SORBS3: variants seen among roughly 807,000 people sequenced by gnomAD.
SORBS3 encodes the protein sorbin and SH3 domain containing 3, also known as vinexin.
Under a neutral mutation model 98.0 loss-of-function variants are expected in SORBS3, and 69 were observed. That is an observed-to-expected ratio of 0.70 (90% confidence interval 0.58 to 0.86). The LOEUF (loss-of-function observed/expected upper bound fraction) is 0.86. Among genes scored for constraint, SORBS3 ranks in the 40% least tolerant of loss-of-function variants. The pLI is 0.00. For synonymous variants in SORBS3, 394 were observed against 355.4 expected (o/e 1.11, Z -1.22); for missense variants, 954 against 908.5 (o/e 1.05, Z -0.64).
intron 17 of SORBS3, among the ~76,000 whole-genome samples, chr8:22,569,781 C>T (rs1256965568): frequency 1.3e-5 from 2 of 151,936 alleles, no homozygotes; most frequent in East Asian, 1.9e-4. Flanking sequence ...CTATGTTGCC[C>T]GGGCTGACCT....
chr8:22,549,708 C>T (rs1054901219), upstream of SORBS3, among the ~76,000 whole-genome samples: 1 of 152,298 alleles, frequency 6.6e-6, no homozygotes, highest in East Asian at 1.9e-4. Context: ...AGGAAGAAAG[C>T]TCAGGTCTCC....
At chr8:22,556,537 A>G in intron 3 of SORBS3, 178 bp from the exon 4 acceptor site, 2 of 623,942 alleles carry the variant, frequency 3.2e-6, no homozygotes, top group East Asian at 2.7e-5. Context: ...GATCAAATCC[A>G]TTTAAATTCA....
At chr8:22,560,862 TGTGTGTGTGTGCGC>T in intron 5 of SORBS3, 1 of 139,764 alleles carries the variant, frequency 7.2e-6, no homozygotes, top group Non-Finnish European at 1.5e-5. Flanking sequence ...TGTGTGTGTG[TGTGTGTGTGTGCGC>T]GCGCGCACGC....
intron 16 of SORBS3, among the ~76,000 whole-genome samples, chr8:22,568,417 A>G (rs989229236): frequency 2.0e-5 from 3 of 152,216 alleles, no homozygotes; most frequent in African/African-American, 7.2e-5. Context: ...CATCTCACAC[A>G]TTTTGATTTT....
chr8:22,558,965 G>A lies in SORBS3; in HGVS notation c.478+773G>A, dbSNP rs145711578. Among the ~76,000 whole-genome samples, 14 of 152,346 alleles carry A rather than the reference G, an allele frequency of 9.2e-5. No individual in the cohort carries two copies. The East Asian group carries it at 2.3e-3, about 25-fold the overall frequency. On this transcript the variant is annotated intron_variant, in intron 5 of 20. Coordinates refer to ENST00000240123, the MANE Select transcript of SORBS3 (RefSeq NM_005775.5). ...TGGCCTGGAGCGAGGAGCATGTGGTGGGAGATGGAGTCAGAGAGGTGGTGG... is the reference window on the plus strand; with the variant it reads ...TGGCCTGGAGCGAGGAGCATGTGGTAGGAGATGGAGTCAGAGAGGTGGTGG...
At chr8:22,572,469 G>A in intron 20 of SORBS3, 23 bp downstream of exon 20, 3 of 1,557,944 alleles carry the variant, frequency 1.9e-6, no homozygotes, top group Non-Finnish European at 2.7e-6. Flanking sequence ...GCCGGGAGGG[G>A]GCATCTCAGG....
chr8:22,562,655 T>C (rs1840319713), intron 7 of SORBS3, among the ~76,000 whole-genome samples: 1 of 152,226 alleles, frequency 6.6e-6, no homozygotes, highest in Non-Finnish European at 1.5e-5. Context: ...TTTAAGCCTG[T>C]GCACTGCCAC....
Position 22,574,692 on chromosome 8 carries a change from C to T in SORBS3, c.1980C>T (p.Phe660=), listed in dbSNP as rs752806921. ...GTGTCTCCCGGAGGACCCAGAAATT[C>T]GGAACGTTCCCTGGAAATTACGTTG... ...FVGVSRRTQK[F]GTFPGNYVAP... is the part of the protein sequence containing the mutation. Residue 660 remains phenylalanine, a synonymous_variant, in exon 21 of 21, where the codon TTC becomes TTT. Coordinates refer to ENST00000240123, the MANE Select transcript of SORBS3 (RefSeq NM_005775.5). 5 of 1,611,608 alleles carry T rather than the reference C, an allele frequency of 3.1e-6. No individual in the cohort carries two copies. The highest frequency in any genetic ancestry group is 4.2e-6 in the Non-Finnish European group (5 of 1,178,798).
At chr8:22,559,495 G>A (rs1840249460) in intron 5 of SORBS3, among the ~76,000 whole-genome samples, 1 of 152,168 alleles carries the variant, frequency 6.6e-6, no homozygotes, top group Non-Finnish European at 1.5e-5. Flanking sequence ...GAGCTTAGGA[G>A]TTCGAGACCA....
intron 5 of SORBS3, among the ~76,000 whole-genome samples, chr8:22,560,351 C>G (rs1382288130): frequency 1.3e-5 from 2 of 152,112 alleles, no homozygotes; most frequent in African/African-American, 4.8e-5. Context: ...ACAAGATCAC[C>G]TAGGGAGATA....
At chr8:22,550,022 G>A (rs1359310632), upstream of SORBS3, 9 of 985,298 alleles carry the variant, frequency 9.1e-6, no homozygotes, top group African/African-American at 1.7e-5. Context: ...GAAAGTGAAA[G>A]CGATGTGGTC....
chr8:22,562,565 C>T (rs778400734), intron 7 of SORBS3, among the ~76,000 whole-genome samples: 8 of 152,182 alleles, frequency 5.3e-5, no homozygotes, highest in Non-Finnish European at 1.0e-4. Context: ...ATTAGCATGG[C>T]TGAAACTGGC....
chr8:22,561,644 C>T (rs1840297564), intron 6 of SORBS3: 13 of 614,274 alleles, frequency 2.1e-5, no homozygotes, highest in Non-Finnish European at 3.8e-5. Context: ...ATGAGATCAT[C>T]ACCTACTCGG....
intron 12 of SORBS3, chr8:22,566,134 C>A: frequency 1.5e-6 from 1 of 668,504 alleles, no homozygotes; most frequent in Non-Finnish European, 2.2e-6. Context: ...CCCGCCACGG[C>A]CCAGGCACTC....
At chr8:22,560,522 A>T (rs1467979921) in intron 5 of SORBS3, among the ~76,000 whole-genome samples, 3 of 152,178 alleles carry the variant, frequency 2.0e-5, no homozygotes. Flanking sequence ...GAATTCCAAA[A>T]GAAAAATGTG....
chr8:22,545,156 C>T (rs1246157379), intron 1 of SORBS3: 2 of 152,302 alleles, frequency 1.3e-5, no homozygotes, highest in African/African-American at 4.8e-5. Context: ...CTAGGAAGGC[C>T]CAGCAGTGGA....
chr8:22,563,602 C>A (rs1040677852), intron 7 of SORBS3, among the ~76,000 whole-genome samples: 14 of 152,202 alleles, frequency 9.2e-5, no homozygotes, highest in Admixed American at 2.0e-4. Context: ...CCAGACCAAA[C>A]ACACATACAG....
At chr8:22,566,126 C>G (rs1030624943) in intron 12 of SORBS3, 3 of 628,214 alleles carry the variant, frequency 4.8e-6, no homozygotes, top group African/African-American at 1.9e-5. Flanking sequence ...AGGGCGGCCC[C>G]GCCACGGCCC....
At chr8:22,565,040 A>G in intron 10 of SORBS3, 1 of 1,405,100 alleles carries the variant, frequency 7.1e-7, no homozygotes, top group Non-Finnish European at 9.2e-7. Flanking sequence ...CGGGATCAGG[A>G]AGCGCGTAGG....
Sources: allele counts gnomAD v4.1 joint callset (sites outside exome capture counted in the v4.1 genomes callset), GRCh38; gene constraint gnomAD v4.1.1; transcripts MANE v1.5; gene names NCBI Gene and HGNC (gene_info 2026-07-23, HGNC 2026-07-21).